LIMCH1: variants seen among roughly 807,000 people sequenced by gnomAD.
LIMCH1 encodes the protein LIM and calponin homology domains-containing protein 1.
LIMCH1 carries 113 observed loss-of-function variants against 176.5 expected under a neutral mutation model. The ratio of observed to expected loss-of-function variants is 0.64; its 90% CI spans 0.55 to 0.75. The LOEUF (loss-of-function observed/expected upper bound fraction) is 0.75, where lower values mean the gene tolerates loss of function less well. LIMCH1 is among the 30% of genes least tolerant of loss of function. The pLI, the probability that LIMCH1 is intolerant of heterozygous loss-of-function variation, is 0.00. For missense variants in LIMCH1, 1,674 were observed against 1,814.9 expected (o/e 0.92, Z 1.41); for synonymous variants, 619 against 645.9 (o/e 0.96, Z 0.63).
chr4:41,505,973 GT>G (rs2074114479), intron 2 of LIMCH1, among the ~76,000 whole-genome samples: 2 of 100,234 alleles, frequency 2.0e-5, no homozygotes, highest in African/African-American at 1.1e-4. Context: ...CACACACTTT[GT>G]ATAAACAACA....
At position 41,632,958 on chromosome 4, in the gene LIMCH1, C is replaced by T; in HGVS notation, c.1721-19C>T. ...TGTGAATTCTTTCCTAGGAGTGAAA[C>T]TGTCCTCTCTGGCTTTAGTTACATC... On this transcript the variant is annotated intron_variant, in intron 11 of 31. Coordinates refer to ENST00000503057, the MANE Select transcript of LIMCH1 (RefSeq NM_001330672.2). The T allele has an allele frequency of 2.0e-6, 3 of 1,533,340 alleles. No homozygotes were observed. The highest frequency in any genetic ancestry group is 2.6e-6 in the Non-Finnish European group (3 of 1,144,466). The allele number at this position is 1,533,340 out of a possible 1,614,324, so 95.0% of individuals were successfully genotyped here. A position where few individuals can be genotyped will look rare whatever the true frequency, so the allele number is the denominator to read the frequency against.
At chr4:41,616,537 A>C (rs891445546) in intron 5 of LIMCH1, among the ~76,000 whole-genome samples, 3 of 18,842 alleles carry the variant, frequency 1.6e-4, no homozygotes, top group Admixed American at 1.7e-3. Flanking sequence ...CTCAAAAAAT[A>C]ATAATAATAA....
intron 1 of LIMCH1, among the ~76,000 whole-genome samples, chr4:41,451,570 A>G (rs925924814): frequency 6.6e-6 from 1 of 151,898 alleles, no homozygotes; most frequent in African/African-American, 2.4e-5. Context: ...CTTCTCCCCC[A>G]TGGAGTGCTG....
chr4:41,509,732 A>T (rs1450339011), intron 2 of LIMCH1, among the ~76,000 whole-genome samples: 1 of 152,192 alleles, frequency 6.6e-6, no homozygotes, highest in East Asian at 1.9e-4. Context: ...GATGGAGAAC[A>T]TGGAAGGTGA....
At chr4:41,429,600 G>A (rs1477199761) in intron 1 of LIMCH1, among the ~76,000 whole-genome samples, 1 of 152,204 alleles carries the variant, frequency 6.6e-6, no homozygotes, top group Non-Finnish European at 1.5e-5. Context: ...ATGGAAAAAG[G>A]ATGGTGAGGT....
At chr4:41,436,827 A>G (rs1314265476) in intron 1 of LIMCH1, among the ~76,000 whole-genome samples, 1 of 152,210 alleles carries the variant, frequency 6.6e-6, no homozygotes, top group African/African-American at 2.4e-5. Context: ...AAGGAGATAT[A>G]AAGCAGAAAA....
intron 1 of LIMCH1, among the ~76,000 whole-genome samples, chr4:41,430,928 A>G (rs1214924666): frequency 6.6e-6 from 1 of 152,218 alleles, no homozygotes; most frequent in African/African-American, 2.4e-5. Context: ...GAAATTGGAA[A>G]TAAACCAGCA....
upstream of LIMCH1, among the ~76,000 whole-genome samples, chr4:41,533,236 T>A (rs1457722639): frequency 1.3e-5 from 2 of 152,164 alleles, no homozygotes; most frequent in African/African-American, 4.8e-5. Flanking sequence ...TAACCTAATC[T>A]CTGAAGTGAT....
At chr4:41,363,872 A>G (rs1350781552) in intron 1 of LIMCH1, among the ~76,000 whole-genome samples, 1 of 152,180 alleles carries the variant, frequency 6.6e-6, no homozygotes, top group African/African-American at 2.4e-5. Flanking sequence ...CTCCTAGAGG[A>G]GACAGCAAAC....
chr4:41,514,235 G>C (rs2075321978), intron 2 of LIMCH1, among the ~76,000 whole-genome samples: 1 of 152,016 alleles, frequency 6.6e-6, no homozygotes, highest in South Asian at 2.1e-4. Flanking sequence ...TTACAGAGAG[G>C]ACTAACCCTT....
chr4:41,614,064 C>T (rs1584880204), intron 5 of LIMCH1, among the ~76,000 whole-genome samples: 1 of 152,324 alleles, frequency 6.6e-6, no homozygotes, highest in Non-Finnish European at 1.5e-5. Flanking sequence ...GGATCAACTT[C>T]CAGTAAACTG....
chr4:41,396,872 C>A (rs1043130013), intron 1 of LIMCH1, among the ~76,000 whole-genome samples: 2 of 151,838 alleles, frequency 1.3e-5, no homozygotes, highest in Non-Finnish European at 2.9e-5. Flanking sequence ...TGCGCTTCAG[C>A]CTGGGTGACA....
intron 1 of LIMCH1, among the ~76,000 whole-genome samples, chr4:41,443,207 T>C (rs1177846966): frequency 1.4e-4 from 7 of 49,786 alleles, no homozygotes; most frequent in Non-Finnish European, 2.3e-4. Context: ...TTTTTTTTTT[T>C]TTTTTTTTTT....
intron 2 of LIMCH1, among the ~76,000 whole-genome samples, chr4:41,497,805 C>CAAAAA (rs58720797): frequency 0.068 from 9,568 of 140,230 alleles, 399 homozygotes; most frequent in Non-Finnish European, 0.08. Flanking sequence ...AACTTCGTCT[C>CAAAAA]AAAAAAAAAA....
At chr4:41,555,229 G>A (rs888536624) in intron 1 of LIMCH1, among the ~76,000 whole-genome samples, 41 of 152,174 alleles carry the variant, frequency 2.7e-4, no homozygotes, top group Admixed American at 2.5e-3. Context: ...TTTAGCAAGC[G>A]TGTCCTACTG....
At chr4:41,599,059 C>G (rs1208338304) in intron 2 of LIMCH1, 33 bp downstream of exon 2, 5 of 1,318,060 alleles carry the variant, frequency 3.8e-6, no homozygotes, top group South Asian at 1.2e-5. Context: ...TTAAGGGAAA[C>G]TCCTTTATAG....
intron 1 of LIMCH1, chr4:41,551,429 T>C (rs2080404352): frequency 6.6e-6 from 1 of 152,206 alleles, no homozygotes. Flanking sequence ...AGTTGTATCA[T>C]GAAGTTAGCA....
At chr4:41,529,198 A>G (rs1221239644) in intron 3 of LIMCH1, among the ~76,000 whole-genome samples, 1 of 152,230 alleles carries the variant, frequency 6.6e-6, no homozygotes. Context: ...AGTGGTCATC[A>G]GAGATCATGC....
chr4:41,535,184 A>AAT (rs71198667), upstream of LIMCH1, among the ~76,000 whole-genome samples: 2 of 144,858 alleles, frequency 1.4e-5, no homozygotes, highest in Non-Finnish European at 3.0e-5. Flanking sequence ...AAAAAAAAAA[A>AAT]GAAAAGAAAA....
Sources: gnomAD v4.1 joint callset for allele counts (sites outside exome capture counted in the v4.1 genomes callset) on GRCh38, gnomAD v4.1.1 for gene constraint, MANE v1.5 for transcripts, NCBI Gene and HGNC (gene_info 2026-07-23, HGNC 2026-07-21) for gene names.